TRAPPC2L: variants seen among roughly 807,000 people sequenced by gnomAD.
The protein encoded by TRAPPC2L is trafficking protein particle complex subunit 2-like protein.
A neutral mutation model predicts 13.2 loss-of-function variants in TRAPPC2L; 17 were observed. The ratio of observed to expected loss-of-function variants is 1.29; its 90% CI spans 0.88 to 1.93. The LOEUF is 1.93. TRAPPC2L is among the 30% of genes most tolerant of loss of function. The probability of loss-of-function intolerance (pLI) is 0.00; values close to 1 mark genes in which losing one functional copy is unlikely to be tolerated. For synonymous variants in TRAPPC2L, 150 were observed against 98.1 expected, an observed-to-expected ratio of 1.53 and a Z score of -3.12; for missense variants, 359 against 252.1, an observed-to-expected ratio of 1.42 and a Z score of -2.87.
At chr16:88,862,328 C>T (rs529466636) in exon 4 of TRAPPC2L, 7 of 152,598 alleles carry the variant, frequency 4.6e-5, no homozygotes, top group African/African-American at 1.7e-4. Flanking sequence ...CCTGGGCTCC[C>T]TTGCAGCCCG....
chr16:88,860,924 A>G, exon 4 of TRAPPC2L: 1 of 1,594,992 alleles, frequency 6.3e-7, no homozygotes, highest in South Asian at 1.1e-5. Flanking sequence ...GGCCTTTGAT[A>G]ACATGGTGAC....
chr16:88,860,431 G>GGGTC (rs1440172918), exon 4 of TRAPPC2L: 2 of 607,096 alleles, frequency 3.3e-6, no homozygotes, highest in African/African-American at 3.7e-5. Flanking sequence ...GGGAAATGTG[G>GGGTC]GGTCCATGCC....
chr16:88,856,517 C>T (rs1403400804), upstream of TRAPPC2L: 1 of 697,898 alleles, frequency 1.4e-6, no homozygotes, highest in East Asian at 2.7e-5. Context: ...CGGTGACCGC[C>T]GAGACCCCAC....
chr16:88,857,025 C>T (rs562575116), upstream of TRAPPC2L: 150 of 1,407,828 alleles, frequency 1.1e-4, no homozygotes, highest in African/African-American at 2.1e-3. Flanking sequence ...GGAGGCGGGG[C>T]CTGGACTGCC....
At chr16:88,856,604 C>T (rs1597613901), upstream of TRAPPC2L, 1 of 563,652 alleles carries the variant, frequency 1.8e-6, no homozygotes, top group Non-Finnish European at 3.3e-6. Context: ...TCCCCCTCCT[C>T]CTCCCCGCGC....
chr16:88,861,835 G>C (rs1011348480), exon 4 of TRAPPC2L: 1 of 356,040 alleles, frequency 2.8e-6, no homozygotes, highest in Non-Finnish European at 5.7e-6. Flanking sequence ...GGCTGTAAGG[G>C]GGGGTCAGCC....
chr16:88,860,949 A>AT, exon 4 of TRAPPC2L: 1 of 1,591,032 alleles, frequency 6.3e-7, no homozygotes, highest in Non-Finnish European at 8.5e-7. Context: ...ATGATGATAC[A>AT]GGTGTGCTGA....
At chr16:88,861,477 C>A (rs771959956) in exon 4 of TRAPPC2L, 2 of 354,114 alleles carry the variant, frequency 5.6e-6, no homozygotes, top group South Asian at 2.1e-5. Context: ...GTCTGGATTC[C>A]GCCCGGCCTT....
chr16:88,857,122 A>T, upstream of TRAPPC2L: 1 of 1,543,670 alleles, frequency 6.5e-7, no homozygotes, highest in South Asian at 1.2e-5. Context: ...GGGTCACGTG[A>T]CGCGGTGCCT....
At chr16:88,856,500 T>A (rs1037586490), upstream of TRAPPC2L, 9 of 697,866 alleles carry the variant, frequency 1.3e-5, no homozygotes, top group Middle Eastern at 3.1e-4. Flanking sequence ...GCAGCGCGTG[T>A]GGTGATCGGT....
Position 88,861,461 on chromosome 16 carries a change from C to T in TRAPPC2L, c.*1137C>T, listed in dbSNP as rs562618330. 90 of 350,724 alleles carry T rather than the reference C, an allele frequency of 2.6e-4. 1 individual carries two copies. Among genetic ancestry groups the T allele is most frequent in the South Asian group, 1.6e-3 (75 of 47,966 alleles). 21.7% of individuals were successfully genotyped at this position (350,724 alleles called of 1,614,324 possible). ...CTTGGCCTCCATTCTTTGCATCTGG[C>T]TCAATGTCTGGATTCCGCCCGGCCT... On this transcript the variant is annotated 3_prime_UTR_variant, in exon 4 of 4. Transcript: ENST00000565504.
chr16:88,857,140 A>T, exon 1 of TRAPPC2L: 1 of 1,574,464 alleles, frequency 6.4e-7, no homozygotes, highest in Non-Finnish European at 8.6e-7. Context: ...CCTGGCGCCG[A>T]GCCTCCCAAG....
rs551950928 is a variant in TRAPPC2L at position 88,859,008 on chromosome 16, T to C, written c.206+217T>C. 29 of 582,154 alleles carry C rather than the reference T, an allele frequency of 5.0e-5. No individual in the cohort carries two copies. The East Asian group carries it at 8.6e-4, about 17-fold the overall frequency. The allele number at this position is 582,154 out of a possible 1,614,324, so 36.1% of individuals were successfully genotyped here. A position where few individuals can be genotyped will look rare whatever the true frequency, so the allele number is the denominator to read the frequency against. ...AAGGCTAGAATTCCCCGTAGAATGT[T>C]TTGGTTTGCACGTGTCCGTTGTCTG... On this transcript the variant is annotated intron_variant, in intron 2 of 3. Coordinates refer to ENST00000565504, the Ensembl canonical transcript of TRAPPC2L.
chr16:88,858,345 G>T (rs1968123088), intron 1 of TRAPPC2L, among the ~76,000 whole-genome samples: 1 of 152,150 alleles, frequency 6.6e-6, no homozygotes, highest in Admixed American at 6.5e-5. Context: ...AGGCTTGATC[G>T]GCAGGCTGTG....
exon 4 of TRAPPC2L, chr16:88,862,651 A>G (rs1423961319): frequency 6.6e-6 from 1 of 152,048 alleles, no homozygotes; most frequent in Non-Finnish European, 1.5e-5. Flanking sequence ...TTAATGTGAG[A>G]AAATAAATGC....
upstream of TRAPPC2L, chr16:88,856,911 G>T (rs1362484063): frequency 4.0e-6 from 6 of 1,496,552 alleles, no homozygotes; most frequent in Admixed American, 2.2e-5. Flanking sequence ...CCCGGCCAGC[G>T]AGCCGACCTA....
chr16:88,860,121 C>G, exon 4 of TRAPPC2L: 1 of 771,124 alleles, frequency 1.3e-6, no homozygotes, highest in Non-Finnish European at 2.3e-6. Context: ...GGTTTTAAAG[C>G]CACAAAGCCC....
chr16:88,857,909 C>T (rs886115927), intron 1 of TRAPPC2L, among the ~76,000 whole-genome samples: 1 of 152,204 alleles, frequency 6.6e-6, no homozygotes, highest in African/African-American at 2.4e-5. Flanking sequence ...CAGGGTCTCC[C>T]GAGACCAGAC....
upstream of TRAPPC2L, chr16:88,856,887 G>C (rs781533703): frequency 2.7e-6 from 4 of 1,504,914 alleles, no homozygotes; most frequent in East Asian, 5.5e-5. Flanking sequence ...TGGCAACCAC[G>C]GGAGCCGCGG....
Sources: allele counts gnomAD v4.1 joint callset (sites outside exome capture counted in the v4.1 genomes callset), GRCh38; gene constraint gnomAD v4.1.1; transcripts MANE v1.5; gene names NCBI Gene and HGNC (gene_info 2026-07-23, HGNC 2026-07-21).